The following ABCC4 variants were observed in gnomAD, a reference collection of about 807,000 sequenced individuals.
The protein encoded by ABCC4 is ATP binding cassette subfamily C member 4 (PEL blood group).
Under a neutral mutation model 168.5 loss-of-function variants are expected in ABCC4, and 102 were observed. That is an observed-to-expected ratio of 0.61 (90% CI 0.52 to 0.71). The LOEUF (loss-of-function observed/expected upper bound fraction) is 0.71. Among genes scored for constraint, ABCC4 ranks in the 30% least tolerant of loss-of-function variants. The pLI, the probability that ABCC4 is intolerant of heterozygous loss-of-function variation, is 0.00. For missense variants in ABCC4, 1,402 were observed against 1,605.8 expected, an observed-to-expected ratio of 0.87 and a Z score of 2.17; for synonymous variants, 617 against 590.7, an observed-to-expected ratio of 1.04 and a Z score of -0.65.
rs112372834 is a variant in ABCC4 at position 95,204,934 on chromosome 13, C to T, written c.1161+1598G>A. On this transcript the variant is annotated intron_variant, in intron 8 of 30. Coordinates refer to ENST00000645237, the MANE Select transcript of ABCC4 (RefSeq NM_005845.5). ...CAATCACGGTGAGGGGCAGCAACAGCAGTCAGAGAATTACAGCAGCACAAT... is the reference window on the plus strand; with the variant it reads ...CAATCACGGTGAGGGGCAGCAACAGTAGTCAGAGAATTACAGCAGCACAAT... 2.8e-3 allele frequency among the ~76,000 whole-genome samples: 426 copies of T among 152,324 alleles called. 5 individuals are homozygous for T. The highest frequency in any genetic ancestry group is 9.4e-3 in the African/African-American group (392 of 41,580).
At chr13:95,300,677 G>C (rs1426224557) in intron 1 of ABCC4, among the ~76,000 whole-genome samples, 1 of 152,112 alleles carries the variant, frequency 6.6e-6, no homozygotes, top group South Asian at 2.1e-4. Flanking sequence ...GTCTCGTAAG[G>C]AATATCGGAA....
Position 95,029,261 on chromosome 13 carries a change from G to C in ABCC4, c.3870+5344C>G, listed in dbSNP as rs1168526058. Among the ~76,000 whole-genome samples the C allele has an allele frequency of 1.3e-4, 4 of 30,226 alleles. No individual in the cohort carries two copies. The East Asian group carries it at 4.9e-3, about 37-fold the overall frequency. 19.8% of individuals were successfully genotyped at this position (30,226 alleles called of 152,430 possible). A position where few individuals can be genotyped will look rare whatever the true frequency, so the allele number is the denominator to read the frequency against. On this transcript the variant is annotated intron_variant, in intron 30 of 30. Transcript: ENST00000645237. ...AGAGAGAGAGAGAGAGAGAAAGAGA[G>C]AGAGAGAGAGAGAGAGAACGCTAAT...
chr13:95,171,514 C>T (rs1432299452), intron 13 of ABCC4, among the ~76,000 whole-genome samples: 2 of 151,242 alleles, frequency 1.3e-5, no homozygotes, highest in Admixed American at 6.6e-5. Flanking sequence ...CGTCATCACA[C>T]CACTGCACTC....
chr13:95,073,211 T>A lies in ABCC4; in HGVS notation c.3011A>T (p.Glu1004Val). ...QWCVRQSAEV[E>V]NMMISVERVI... ...CGTGAAGGTAAATATTACCATATTC[T>A]CAACTTCAGCACTTTGTCGAACACA... The change falls in exon 24 of 31, where the codon GAG becomes GTG. Residue 1004 changes from glutamate (E) to valine (V), a missense_variant. Glu to Val is a moderately radical substitution (Grantham distance 121). This residue lies in a region of ABCC4 where 1,007 missense variants were observed against 1,127.3 expected (regional missense o/e 0.89). Transcript: ENST00000645237. 6.2e-7 allele frequency: 1 copy of A among 1,613,170 alleles called. No individual in the cohort carries two copies. The highest frequency in any genetic ancestry group is 1.7e-5 in the Admixed American group (1 of 59,984).
At chr13:95,146,028 A>G (rs2036482553) in intron 19 of ABCC4, among the ~76,000 whole-genome samples, 2 of 152,110 alleles carry the variant, frequency 1.3e-5, no homozygotes, top group African/African-American at 4.8e-5. Flanking sequence ...CTTAGCCAAT[A>G]TGGTGAAACC....
chr13:95,029,178 A>C (rs1049783068), intron 30 of ABCC4, among the ~76,000 whole-genome samples: 17,940 of 49,942 alleles, frequency 0.36, 1,723 homozygotes, highest in South Asian at 0.4. Context: ...ATATATATAT[A>C]TATATATATA....
Position 95,244,657 on chromosome 13 carries a change from GAAAGAA to G in ABCC4, c.306+2312_306+2317del, listed in dbSNP as rs2040055771. Reference sequence around the variant, plus strand: ...AGAAAGAAAGAAAGAAAGAAAGAAAGAAAGAAAGAAAGAAATCATAGCAGTTCCTGG... The same window carrying G: ...AGAAAGAAAGAAAGAAAGAAAGAAAGAGAAAGAAATCATAGCAGTTCCTGG... On this transcript the variant is annotated intron_variant, in intron 3 of 30. Coordinates refer to ENST00000645237, the MANE Select transcript of ABCC4 (RefSeq NM_005845.5). Among the ~76,000 whole-genome samples, 2 of 79,388 alleles carry G rather than the reference GAAAGAA, an allele frequency of 2.5e-5. 1 individual carries two copies. Among genetic ancestry groups the G allele is most frequent in the Non-Finnish European group, 5.4e-5 (2 of 37,020 alleles). The allele number at this position is 79,388 out of a possible 152,430, so 52.1% of individuals were successfully genotyped here.
chr13:95,052,508 T>C (rs1013163930), intron 27 of ABCC4, among the ~76,000 whole-genome samples: 4 of 152,152 alleles, frequency 2.6e-5, no homozygotes, highest in Admixed American at 6.5e-5. Context: ...AGGAACCACA[T>C]AAATAATAGA....
At chr13:95,196,496 G>A (rs915387453) in intron 8 of ABCC4, among the ~76,000 whole-genome samples, 2 of 151,666 alleles carry the variant, frequency 1.3e-5, no homozygotes, top group Non-Finnish European at 2.9e-5. Context: ...TAGGCCATGA[G>A]GGCTCCTCCC....
rs1206452038 is a variant in ABCC4 at position 95,115,792 on chromosome 13, T to C, written c.2535+130A>G. On this transcript the variant is annotated intron_variant, in intron 20 of 30. Transcript: ENST00000645237. ...TAACCGCACCTTTCTTTTACAAACA[T>C]GGCCCTTTATTAAGTTAACATTACA... The C allele has an allele frequency of 5.5e-6, 4 of 724,996 alleles. No homozygotes were observed. The Admixed American group carries it at 1.0e-4, about 18-fold the overall frequency. 44.9% of individuals were successfully genotyped at this position (724,996 alleles called of 1,614,324 possible).
At chr13:95,230,685 G>C (rs1014457204) in intron 4 of ABCC4, among the ~76,000 whole-genome samples, 1 of 152,200 alleles carries the variant, frequency 6.6e-6, no homozygotes, top group Admixed American at 6.5e-5. Context: ...TGAGGCAGGA[G>C]AATCACTTGA....
At chr13:95,147,352 A>G (rs1172005953) in intron 19 of ABCC4, among the ~76,000 whole-genome samples, 1 of 152,248 alleles carries the variant, frequency 6.6e-6, no homozygotes, top group African/African-American at 2.4e-5. Context: ...TCTTAAAAAC[A>G]TAATTTATAG....
At chr13:95,174,633 G>A (rs375416790) in intron 13 of ABCC4, among the ~76,000 whole-genome samples, 2 of 152,208 alleles carry the variant, frequency 1.3e-5, no homozygotes, top group East Asian at 3.9e-4. Context: ...TGTGCGATAC[G>A]CACACTGATA....
Position 95,234,734 on chromosome 13 carries a change from G to C in ABCC4, c.407C>G (p.Ala136Gly), listed in dbSNP as rs764555345. Reference protein sequence around the residue: ...MDSVALNTAYAYATVLTFCTL... With the variant: ...MDSVALNTAYGYATVLTFCTL... ...GCAAAAAGTCAGCACCGTGGCATAG[G>C]CGTACGCTGTGTTCAAAGCCACAGA... Residue 136 changes from alanine to glycine, a missense_variant, in exon 4 of 31, where the codon GCC becomes GGC. Ala to Gly is a moderately conservative substitution (Grantham distance 60, BLOSUM62 0). Around this residue, in one of 3 missense-constraint regions of ABCC4, gnomAD observed 317 missense variants for 345.5 expected, o/e 0.92. Transcript: ENST00000645237. The C allele has an allele frequency of 3.1e-6, 5 of 1,614,074 alleles. No homozygotes were observed. The highest frequency in any genetic ancestry group is 2.5e-6 in the Non-Finnish European group (3 of 1,180,000).
intron 8 of ABCC4, among the ~76,000 whole-genome samples, chr13:95,199,787 A>G (rs1406410185): frequency 6.6e-6 from 1 of 152,112 alleles, no homozygotes; most frequent in Non-Finnish European, 1.5e-5. Context: ...TGAATTGAAA[A>G]TATGTGGATT....
chr13:95,286,027 T>C (rs1403165485), intron 1 of ABCC4, among the ~76,000 whole-genome samples: 2 of 151,592 alleles, frequency 1.3e-5, no homozygotes, highest in Admixed American at 1.3e-4. Context: ...CTGGGTGTGG[T>C]GGTGCTATTA....
chr13:95,163,331 C>A, intron 17 of ABCC4, 115 bp from the exon 18 acceptor site: 1 of 748,874 alleles, frequency 1.3e-6, no homozygotes. Flanking sequence ...AAATGATTCT[C>A]AGCTCACTTA....
At chr13:95,224,475 G>A (rs1010148840) in intron 4 of ABCC4, among the ~76,000 whole-genome samples, 3 of 152,230 alleles carry the variant, frequency 2.0e-5, no homozygotes, top group East Asian at 1.9e-4. Context: ...GGTGGCTCAC[G>A]CCTGTAATCC....
chr13:95,161,094 A>G, intron 19 of ABCC4, 95 bp downstream of exon 19: 1 of 974,310 alleles, frequency 1.0e-6, no homozygotes, highest in Non-Finnish European at 1.4e-6. Flanking sequence ...TTTTCTTCCC[A>G]GCATCCCTTC....
Sources: gnomAD v4.1 joint callset for allele counts (sites outside exome capture counted in the v4.1 genomes callset) on GRCh38, gnomAD v4.1.1 for gene constraint, gnomAD v4.1.1 regional missense constraint, MANE v1.5 for transcripts, NCBI Gene and HGNC (gene_info 2026-07-23, HGNC 2026-07-21) for gene names.